The following MTUS2 variants were observed in gnomAD, a reference collection of about 807,000 sequenced individuals.
MTUS2 encodes the protein microtubule associated scaffold protein 2.
MTUS2 carries 40 observed loss-of-function variants against 114.1 expected under a neutral mutation model. That is an observed-to-expected ratio of 0.35 (90% CI 0.27 to 0.46). The LOEUF is 0.46. MTUS2 is among the 20% of genes least tolerant of loss of function. The pLI, the probability that MTUS2 is intolerant of heterozygous loss-of-function variation, is 1.00. For synonymous variants in MTUS2, 688 were observed against 672.0 expected (o/e 1.02, Z -0.37); for missense variants, 1,679 against 1,705.4 (o/e 0.98, Z 0.27).
At chr13:29,458,609 C>T (rs1455110114) in intron 9 of MTUS2, among the ~76,000 whole-genome samples, 2 of 152,168 alleles carry the variant, frequency 1.3e-5, no homozygotes, top group African/African-American at 4.8e-5. Context: ...TAACTACCAC[C>T]TATAAACCAC....
chr13:28,906,763 T>C (rs1332100800), intron 2 of MTUS2, among the ~76,000 whole-genome samples: 3 of 151,486 alleles, frequency 2.0e-5, no homozygotes, highest in African/African-American at 7.3e-5. Flanking sequence ...TGTAGATGTC[T>C]ATTAGGTCTG....
intron 6 of MTUS2, among the ~76,000 whole-genome samples, chr13:29,301,923 C>T (rs529422825): frequency 6.6e-6 from 1 of 152,270 alleles, no homozygotes; most frequent in East Asian, 1.9e-4. Context: ...GTGTCCTCAC[C>T]TGGTAGAAGG....
intron 5 of MTUS2, among the ~76,000 whole-genome samples, chr13:29,134,914 C>A (rs1007620875): frequency 1.6e-4 from 25 of 152,270 alleles, no homozygotes; most frequent in Admixed American, 1.3e-3. Flanking sequence ...ATACAATAGT[C>A]CCCCTTACTT....
chr13:28,847,203 T>C (rs1431295048), intron 2 of MTUS2, among the ~76,000 whole-genome samples: 2 of 152,176 alleles, frequency 1.3e-5, no homozygotes, highest in Non-Finnish European at 2.9e-5. Context: ...TGGGAAGATA[T>C]TCAAATAGGC....
intron 2 of MTUS2, among the ~76,000 whole-genome samples, chr13:29,019,183 T>C (rs1352257085): frequency 1.3e-5 from 2 of 152,160 alleles, no homozygotes; most frequent in Non-Finnish European, 2.9e-5. Context: ...CTTATGATGC[T>C]CTCGTGGACA....
At chr13:29,281,419 CTGTGTGTG>C (rs10682778) in intron 5 of MTUS2, among the ~76,000 whole-genome samples, 18 of 146,636 alleles carry the variant, frequency 1.2e-4, no homozygotes, top group African/African-American at 3.0e-4. Context: ...GTATGTATGT[CTGTGTGTG>C]TGTGTGTGTG....
chr13:28,972,317 C>T (rs548804237), intron 2 of MTUS2, among the ~76,000 whole-genome samples: 1 of 152,330 alleles, frequency 6.6e-6, no homozygotes, highest in African/African-American at 2.4e-5. Flanking sequence ...TTCCGGGACA[C>T]TTGACTGCAG....
At chr13:29,130,447 C>G (rs77602431) in intron 5 of MTUS2, among the ~76,000 whole-genome samples, 2,462 of 152,200 alleles carry the variant, frequency 0.016, 64 homozygotes, top group African/African-American at 0.055. Context: ...ATTCTTCCTT[C>G]TAGCCTTTGC....
At position 29,268,381 on chromosome 13, in the gene MTUS2, C is replaced by T. The variant is rs147946208; in HGVS notation, c.2645-13323C>T. ...CAAGGGACAGGGAGAGACTGAGGGT[C>T]AAGCCGTGTCCCTCCAATGACTCCC... On this transcript the variant is annotated intron_variant, in intron 5 of 15. Coordinates refer to ENST00000612955, the MANE Select transcript of MTUS2 (RefSeq NM_001033602.4). Among the ~76,000 whole-genome samples the T allele has an allele frequency of 3.3e-5, 5 of 152,288 alleles. No individual in the cohort carries two copies. In the East Asian group the frequency reaches 7.7e-4, roughly 24 times the overall value.
intron 8 of MTUS2, among the ~76,000 whole-genome samples, chr13:29,438,552 C>T (rs1877592474): frequency 1.3e-5 from 2 of 152,204 alleles, no homozygotes; most frequent in South Asian, 4.2e-4. Flanking sequence ...CCTGGGATCC[C>T]TCTAATTTTA....
intron 6 of MTUS2, among the ~76,000 whole-genome samples, chr13:29,317,415 G>A (rs1247402647): frequency 2.2e-5 from 3 of 134,812 alleles, no homozygotes; most frequent in Non-Finnish European, 4.7e-5. Flanking sequence ...TCGCTTGTGC[G>A]CGCGCTCTCT....
intron 2 of MTUS2, among the ~76,000 whole-genome samples, chr13:28,996,328 A>G (rs548975826): frequency 1.3e-5 from 2 of 152,274 alleles, no homozygotes; most frequent in East Asian, 1.9e-4. Context: ...TTTTGCATCA[A>G]TGTTCATCAA....
chr13:29,418,011 T>A (rs2138579901), intron 8 of MTUS2, among the ~76,000 whole-genome samples: 1 of 152,218 alleles, frequency 6.6e-6, no homozygotes, highest in Non-Finnish European at 1.5e-5. Context: ...TATCTTTTGA[T>A]TTTTTGGTAC....
chr13:29,267,629 G>A (rs1401067998), intron 5 of MTUS2, among the ~76,000 whole-genome samples: 2 of 152,202 alleles, frequency 1.3e-5, no homozygotes, highest in Admixed American at 6.5e-5. Flanking sequence ...ACATTACAAT[G>A]TGGGACTGAT....
At position 29,503,742 on chromosome 13, in the gene MTUS2, G is replaced by A. The variant is rs200688085; in HGVS notation, c.*536G>A. Reference sequence around the variant, plus strand: ...ATATTTCTACCCAAAATAGAAAAAGGAAAAAAAAAAAGATACAGAGAAGAA... The same window carrying A: ...ATATTTCTACCCAAAATAGAAAAAGAAAAAAAAAAAAGATACAGAGAAGAA... On this transcript the variant is annotated 3_prime_UTR_variant, in exon 16 of 16. Transcript: ENST00000612955. 6.8e-5 allele frequency: 14 copies of A among 207,270 alleles called. No homozygotes were observed. Among genetic ancestry groups the A allele is most frequent in the South Asian group, 3.7e-4 (2 of 5,470 alleles). 12.8% of individuals were successfully genotyped at this position (207,270 alleles called of 1,614,324 possible).
At chr13:28,951,258 A>G (rs1286557898) in intron 2 of MTUS2, among the ~76,000 whole-genome samples, 1 of 152,234 alleles carries the variant, frequency 6.6e-6, no homozygotes, top group Non-Finnish European at 1.5e-5. Context: ...ATTTTGATAG[A>G]GATTGCATTA....
chr13:29,488,130 A>G (rs1881769709), intron 11 of MTUS2, 125 bp downstream of exon 11: 3 of 719,278 alleles, frequency 4.2e-6, no homozygotes, highest in Non-Finnish European at 7.0e-6. Context: ...CTCCTGGTGC[A>G]TTTTTTCCTG....
At position 28,854,159 on chromosome 13, in the gene MTUS2, C is replaced by T. The variant is rs1876478356; in HGVS notation, c.-243+14309C>T. Among the ~76,000 whole-genome samples the T allele has an allele frequency of 2.0e-5, 3 of 152,184 alleles. No homozygotes were observed. In the South Asian group the frequency reaches 6.2e-4, roughly 32 times the overall value. On this transcript the variant is annotated intron_variant, in intron 2 of 15. Transcript: ENST00000612955. ...CAGAATCTCAAGACTTACCCTAGACCTCTGGAATCATAATCTGCATCTCAA... is the reference window on the plus strand; with the variant it reads ...CAGAATCTCAAGACTTACCCTAGACTTCTGGAATCATAATCTGCATCTCAA...
chr13:29,175,310 T>C (rs774969664), intron 5 of MTUS2, among the ~76,000 whole-genome samples: 39 of 152,204 alleles, frequency 2.6e-4, no homozygotes, highest in Non-Finnish European at 4.1e-4. Flanking sequence ...TGGGTCATTA[T>C]AAAGGAATGG....
Sources: gnomAD v4.1 joint callset for allele counts (sites outside exome capture counted in the v4.1 genomes callset) on GRCh38, gnomAD v4.1.1 for gene constraint, MANE v1.5 for transcripts, NCBI Gene and HGNC (gene_info 2026-07-23, HGNC 2026-07-21) for gene names.